The following CFAP299 variants were observed in gnomAD, a reference collection of about 807,000 sequenced individuals.
The protein encoded by CFAP299 is cilia- and flagella-associated protein 299.
A neutral mutation model predicts 27.0 loss-of-function variants in CFAP299; 21 were observed. The ratio of observed to expected loss-of-function variants is 0.78; its 90% CI spans 0.55 to 1.12. The LOEUF is 1.12. Among genes scored for constraint, CFAP299 ranks in the 50% most tolerant of loss-of-function variants. CFAP299 has a pLI of 0.00. For synonymous variants in CFAP299, 104 were observed against 98.1 expected (o/e 1.06, Z -0.36); for missense variants, 310 against 276.6 (o/e 1.12, Z -0.86).
At chr4:80,632,489 G>A (rs1485807753) in intron 3 of CFAP299, among the ~76,000 whole-genome samples, 1 of 151,966 alleles carries the variant, frequency 6.6e-6, no homozygotes, top group East Asian at 1.9e-4. Context: ...GCTAGCTACA[G>A]GTAATAAAAC....
intron 2 of CFAP299, among the ~76,000 whole-genome samples, chr4:80,421,335 G>A (rs1727276824): frequency 6.6e-6 from 1 of 152,126 alleles, no homozygotes; most frequent in African/African-American, 2.4e-5. Flanking sequence ...TCTCTAGCAT[G>A]GGATTTTGCA....
At chr4:80,779,203 G>A (rs1485097188) in intron 3 of CFAP299, among the ~76,000 whole-genome samples, 2 of 152,072 alleles carry the variant, frequency 1.3e-5, no homozygotes, top group Non-Finnish European at 2.9e-5. Flanking sequence ...CTGATCCAGC[G>A]TCTGTGCTCT....
intron 3 of CFAP299, among the ~76,000 whole-genome samples, chr4:80,700,459 G>C (rs1721404654): frequency 6.6e-6 from 1 of 152,034 alleles, no homozygotes; most frequent in Admixed American, 6.6e-5. Flanking sequence ...GGTAAATGAA[G>C]AGGAAAAGAA....
intron 3 of CFAP299, among the ~76,000 whole-genome samples, chr4:80,730,254 G>A (rs1009553378): frequency 7.2e-6 from 1 of 139,058 alleles, no homozygotes; most frequent in Non-Finnish European, 1.5e-5. Flanking sequence ...CTCTCTGTGT[G>A]TGTGTGTGTG....
chr4:80,631,643 A>G (rs999409124), intron 3 of CFAP299, among the ~76,000 whole-genome samples: 3 of 152,192 alleles, frequency 2.0e-5, no homozygotes, highest in African/African-American at 7.2e-5. Context: ...AACTACTGTC[A>G]TAAATCCATT....
intron 2 of CFAP299, among the ~76,000 whole-genome samples, chr4:80,446,521 T>G (rs1450760956): frequency 3.9e-5 from 6 of 152,234 alleles, no homozygotes; most frequent in Non-Finnish European, 8.8e-5. Flanking sequence ...ATCCTCTACT[T>G]AAGTAATCTT....
At chr4:80,929,099 T>G (rs553881448) in intron 4 of CFAP299, among the ~76,000 whole-genome samples, 2 of 152,262 alleles carry the variant, frequency 1.3e-5, no homozygotes, top group Non-Finnish European at 2.9e-5. Context: ...ACTGACAAGG[T>G]GTTTCTTTCT....
At chr4:80,667,218 C>T (rs1020464792) in intron 3 of CFAP299, among the ~76,000 whole-genome samples, 5 of 152,012 alleles carry the variant, frequency 3.3e-5, no homozygotes, top group Admixed American at 6.6e-5. Context: ...TATTGATCTA[C>T]AAAGATGTAC....
the CFAP299 span, among the ~76,000 whole-genome samples, chr4:80,325,123 A>C: frequency 6.6e-6 from 1 of 152,280 alleles, no homozygotes; most frequent in East Asian, 1.9e-4. Flanking sequence ...ACTCCGTCTC[A>C]AAACAAACAA....
intron 3 of CFAP299, among the ~76,000 whole-genome samples, chr4:80,612,751 TA>T (rs1738060338): frequency 6.6e-6 from 1 of 152,106 alleles, no homozygotes; most frequent in South Asian, 2.1e-4. Flanking sequence ...TGAAATTAAT[TA>T]AGTAGCTCAG....
chr4:80,731,443 C>T (rs919408172), intron 3 of CFAP299, among the ~76,000 whole-genome samples: 8 of 152,012 alleles, frequency 5.3e-5, no homozygotes, highest in Non-Finnish European at 1.0e-4. Context: ...TGTAAAATAA[C>T]TTTCAAATTA....
At chr4:80,421,010 G>C (rs1007788102) in intron 2 of CFAP299, among the ~76,000 whole-genome samples, 1 of 151,976 alleles carries the variant, frequency 6.6e-6, no homozygotes, top group Non-Finnish European at 1.5e-5. Flanking sequence ...ATATATTGGG[G>C]CCTGTTTGGT....
intron 3 of CFAP299, among the ~76,000 whole-genome samples, chr4:80,668,028 A>G (rs936587488): frequency 6.6e-6 from 1 of 151,982 alleles, no homozygotes; most frequent in African/African-American, 2.4e-5. Context: ...CTGGGGTGAA[A>G]TGATATCTCA....
intron 3 of CFAP299, among the ~76,000 whole-genome samples, chr4:80,735,920 T>C (rs1289957405): frequency 6.6e-6 from 1 of 152,072 alleles, no homozygotes; most frequent in Admixed American, 6.6e-5. Flanking sequence ...GTCTTTTTCT[T>C]TTTTTGGTAT....
intron 3 of CFAP299, among the ~76,000 whole-genome samples, chr4:80,692,059 G>A (rs565998216): frequency 2.0e-5 from 3 of 152,146 alleles, no homozygotes; most frequent in Admixed American, 2.0e-4. Context: ...ACAAACAAAT[G>A]GAAGAGCATT....
At position 80,418,666 on chromosome 4, in the gene CFAP299, G is replaced by A. The variant is rs548609593; in HGVS notation, c.242+55782G>A. Among the ~76,000 whole-genome samples the A allele has an allele frequency of 7.9e-5, 12 of 152,182 alleles. No individual in the cohort carries two copies. In the South Asian group the frequency reaches 1.0e-3, roughly 13 times the overall value. On this transcript the variant is annotated intron_variant, in intron 2 of 5. Transcript: ENST00000358105. ...TCCCCCCATTCCATGGTGGAAGAGCGTCTTGTAAGCACCATTCTACTCTCT... is the reference window on the plus strand; with the variant it reads ...TCCCCCCATTCCATGGTGGAAGAGCATCTTGTAAGCACCATTCTACTCTCT...
At chr4:80,688,703 G>C (rs1720417066) in intron 3 of CFAP299, among the ~76,000 whole-genome samples, 1 of 152,232 alleles carries the variant, frequency 6.6e-6, no homozygotes, top group Admixed American at 6.5e-5. Flanking sequence ...GAATGACTTT[G>C]AGAAGCTGAG....
chr4:80,488,474 C>CTTTT (rs35951592), intron 2 of CFAP299, among the ~76,000 whole-genome samples: 1 of 136,542 alleles, frequency 7.3e-6, no homozygotes, highest in African/African-American at 2.8e-5. Flanking sequence ...TGGTAAACAC[C>CTTTT]TTTTTTTTTT....
intron 3 of CFAP299, among the ~76,000 whole-genome samples, chr4:80,719,404 G>C (rs1007335879): frequency 6.6e-6 from 1 of 152,122 alleles, no homozygotes; most frequent in Non-Finnish European, 1.5e-5. Context: ...TTGGGTCTTA[G>C]GGTAATTCTA....
Sources: gnomAD v4.1 joint callset for allele counts (sites outside exome capture counted in the v4.1 genomes callset) on GRCh38, gnomAD v4.1.1 for gene constraint, MANE v1.5 for transcripts, NCBI Gene and HGNC (gene_info 2026-07-23, HGNC 2026-07-21) for gene names.